Variants in PCSK1 observed in about 807,000 individuals in gnomAD.
PCSK1 encodes proprotein convertase subtilisin/kexin type 1.
Under a neutral mutation model 90.6 loss-of-function variants are expected in PCSK1, and 56 were observed. The ratio of observed to expected loss-of-function variants is 0.62; its 90% confidence interval spans 0.50 to 0.77. The LOEUF (loss-of-function observed/expected upper bound fraction) is 0.77, where lower values mean the gene tolerates loss of function less well. Ranked by LOEUF, PCSK1 falls within the 30% of genes least tolerant of loss-of-function variation. PCSK1 has a pLI of 0.00. For synonymous variants in PCSK1, 348 were observed against 342.4 expected (o/e 1.02, Z -0.18); for missense variants, 801 against 932.6 (o/e 0.86, Z 1.84).
chr5:96,398,075 G>T (rs1760225113), intron 11 of PCSK1, among the ~76,000 whole-genome samples: 1 of 152,062 alleles, frequency 6.6e-6, no homozygotes, highest in African/African-American at 2.4e-5. Flanking sequence ...GTTCTATGTG[G>T]AAGGGTTAAA....
chr5:96,424,023 A>G (rs900072097), intron 3 of PCSK1, among the ~76,000 whole-genome samples: 1 of 152,198 alleles, frequency 6.6e-6, no homozygotes, highest in Admixed American at 6.5e-5. Flanking sequence ...TGTCTGTGAG[A>G]GGAGATTCAG....
At chr5:96,423,241 G>C in intron 4 of PCSK1, 72 bp downstream of exon 4, 1 of 1,465,126 alleles carries the variant, frequency 6.8e-7, no homozygotes, top group Non-Finnish European at 9.4e-7. Context: ...CCCTTGAAAA[G>C]AAGGAAAGCC....
chr5:96,408,244 A>G lies in PCSK1; in HGVS notation c.1175T>C (p.Phe392Ser), dbSNP rs1333628616. The G allele has an allele frequency of 1.7e-5, 28 of 1,613,910 alleles. No homozygotes were observed. The highest frequency in any genetic ancestry group is 2.3e-5 in the Non-Finnish European group (27 of 1,179,866). ...TTACTTTGCTTCCAGGGCCAGAGCG[A>G]AGATGCCAGCAGCCAGAGGTGCAGA... Reference protein sequence around the residue: ...SASAPLAAGIFALALEANPNL... With the variant: ...SASAPLAAGISALALEANPNL... The change falls in exon 9 of 14, where the codon TTC becomes TCC. Residue 392 changes from phenylalanine (F) to serine (S), a missense_variant. Transcript: ENST00000311106.
chr5:96,411,486 AG>A (rs1760752484), intron 7 of PCSK1, among the ~76,000 whole-genome samples: 1 of 152,196 alleles, frequency 6.6e-6, no homozygotes, highest in Non-Finnish European at 1.5e-5. Context: ...TGCTCTCCAG[AG>A]TTTCTACTTT....
rs747346806 is a variant in PCSK1, at chr5:96,412,477, C to G, written c.723G>C (p.Leu241=). The G allele has an allele frequency of 1.2e-6, 2 of 1,613,968 alleles. No individual in the cohort carries two copies. Among genetic ancestry groups the G allele is most frequent in the South Asian group, 2.2e-5 (2 of 91,072 alleles). Residue 241 remains leucine (L), a synonymous_variant, in exon 7 of 14, where the codon CTG becomes CTC. Coordinates refer to ENST00000311106, the MANE Select transcript of PCSK1 (RefSeq NM_000439.5). ...CAATAGCATCCGTCACAATGCCATCCAGCATTCTTATGCCTGAGAAACAAA... is the reference window on the plus strand; with the variant it reads ...CAATAGCATCCGTCACAATGCCATCGAGCATTCTTATGCCTGAGAAACAAA... ...YNSKVGGIRM[L]DGIVTDAIEA... is the part of the protein sequence containing the mutation.
At chr5:96,396,874 A>G (rs1760169309) in intron 12 of PCSK1, among the ~76,000 whole-genome samples, 1 of 152,258 alleles carries the variant, frequency 6.6e-6, no homozygotes, top group Admixed American at 6.5e-5. Flanking sequence ...TAAAAAAGTC[A>G]TATTAAATAA....
rs1224818555 is a variant in PCSK1, at chr5:96,391,114, C to T, written c.*1887G>A. The T allele has an allele frequency of 6.6e-6, 1 of 152,196 alleles. No individual in the cohort carries two copies. The highest frequency in any genetic ancestry group is 1.5e-5 in the Non-Finnish European group (1 of 68,024). 9.4% of individuals were successfully genotyped at this position (152,196 alleles called of 1,614,324 possible). On this transcript the variant is annotated 3_prime_UTR_variant, in exon 14 of 14. Coordinates refer to ENST00000311106, the MANE Select transcript of PCSK1 (RefSeq NM_000439.5). ...CCAATATTGGAAATTCTATCTAACA[C>T]TTCATATCAAACAATATATGAAACT...
intron 9 of PCSK1, among the ~76,000 whole-genome samples, chr5:96,403,347 G>A (rs1760449401): frequency 6.6e-6 from 1 of 152,138 alleles, no homozygotes; most frequent in African/African-American, 2.4e-5. Flanking sequence ...CATGTGCCAT[G>A]TTGGTGTGCT....
intron 9 of PCSK1, among the ~76,000 whole-genome samples, chr5:96,407,331 A>G (rs1238037110): frequency 6.6e-6 from 1 of 152,248 alleles, no homozygotes; most frequent in Non-Finnish European, 1.5e-5. Flanking sequence ...GAAGACAAAG[A>G]GCTGAAGGGT....
At chr5:96,414,932 A>G (rs1262190523) in intron 6 of PCSK1, among the ~76,000 whole-genome samples, 3 of 152,196 alleles carry the variant, frequency 2.0e-5, no homozygotes, top group Admixed American at 6.5e-5. Flanking sequence ...CACGATGTAT[A>G]TTTATTTGGT....
At chr5:96,412,036 T>C (rs973387368) in intron 7 of PCSK1, among the ~76,000 whole-genome samples, 1 of 152,208 alleles carries the variant, frequency 6.6e-6, no homozygotes, top group Non-Finnish European at 1.5e-5. Flanking sequence ...AATTTTTGTG[T>C]TTTTAGTAGA....
Position 96,417,121 on chromosome 5 carries a change from A to G in PCSK1, c.621-1000T>C, listed in dbSNP as rs939325510. On this transcript the variant is annotated intron_variant, in intron 5 of 13. Coordinates refer to ENST00000311106, the MANE Select transcript of PCSK1 (RefSeq NM_000439.5). ...CGGAGCAATAATGTTGGCCAGTTAC[A>G]TTTCAATTCTACTATACTGGCCATC... Among the ~76,000 whole-genome samples the G allele has an allele frequency of 3.9e-5, 6 of 152,306 alleles. No homozygotes were observed. The East Asian group carries it at 7.7e-4, about 20-fold the overall frequency.
chr5:96,409,927 A>G (rs536297665), intron 8 of PCSK1, among the ~76,000 whole-genome samples: 49 of 152,322 alleles, frequency 3.2e-4, no homozygotes, highest in African/African-American at 1.2e-3. Context: ...TTGAGATGCC[A>G]TTAATAGGAA....
intron 1 of PCSK1, chr5:96,432,269 C>T (rs1761530980): frequency 1.4e-6 from 1 of 725,440 alleles, no homozygotes; most frequent in Non-Finnish European, 2.3e-6. Flanking sequence ...ATTTCTCCCC[C>T]CAGCTTCCCA....
At chr5:96,401,053 A>G (rs1260212932) in intron 9 of PCSK1, among the ~76,000 whole-genome samples, 2 of 137,460 alleles carry the variant, frequency 1.5e-5, no homozygotes, top group Non-Finnish European at 3.0e-5. Flanking sequence ...TGCCACTGCA[A>G]TCCGGCCTGG....
chr5:96,410,895 C>T lies in PCSK1; in HGVS notation c.974G>A (p.Ser325Asn). Residue 325 changes from serine (S) to asparagine (N), a missense_variant, in exon 8 of 14, where the codon AGC becomes AAC. Ser to Asn is a conservative substitution (Grantham distance 46). Transcript: ENST00000311106. ...DNCDCDGYTD[S>N]IYTISISSAS... Reference sequence around the variant, plus strand: ...ACTGCTGATGGAGATGGTGTAGATGCTGTCTGTGTAGCCATCACAGTCACA... The same window carrying T: ...ACTGCTGATGGAGATGGTGTAGATGTTGTCTGTGTAGCCATCACAGTCACA... 1 of 1,613,196 alleles carries T rather than the reference C, an allele frequency of 6.2e-7. No individual in the cohort carries two copies. The highest frequency in any genetic ancestry group is 1.7e-5 in the Admixed American group (1 of 59,962).
chr5:96,398,817 G>C lies in PCSK1; in HGVS notation c.1588+62C>G, dbSNP rs183616027. 7.7e-5 allele frequency: 98 copies of C among 1,270,916 alleles called. No individual in the cohort carries two copies. The East Asian group carries it at 2.3e-3, about 29-fold the overall frequency. The allele number at this position is 1,270,916 out of a possible 1,614,324, so 78.7% of individuals were successfully genotyped here. A position where few individuals can be genotyped will look rare whatever the true frequency, so the allele number is the denominator to read the frequency against. On this transcript the variant is annotated intron_variant, in intron 11 of 13. Transcript: ENST00000311106. ...TTCTATGAATAAACAAAAGCAATCA[G>C]TTATTTGAATCATTCAACTTACACT... is the stretch of plus-strand genomic sequence containing the variant.
intron 5 of PCSK1, among the ~76,000 whole-genome samples, chr5:96,416,456 T>C (rs1308812408): frequency 6.6e-6 from 1 of 152,210 alleles, no homozygotes; most frequent in Non-Finnish European, 1.5e-5. Context: ...ACAGTGAGTG[T>C]TAACTATTGA....
intron 8 of PCSK1, among the ~76,000 whole-genome samples, chr5:96,408,576 G>A (rs1198922197): frequency 6.6e-6 from 1 of 152,150 alleles, no homozygotes; most frequent in African/African-American, 2.4e-5. Context: ...CTCCCACTAC[G>A]AATATTTTCT....
Sources: allele counts gnomAD v4.1 joint callset (sites outside exome capture counted in the v4.1 genomes callset), GRCh38; gene constraint gnomAD v4.1.1; transcripts MANE v1.5; gene names NCBI Gene and HGNC (gene_info 2026-07-23, HGNC 2026-07-21).